Variants in ADAM28 observed in about 807,000 individuals in gnomAD.
ADAM28 encodes the protein ADAM metallopeptidase domain 28.
A neutral mutation model predicts 101.2 loss-of-function variants in ADAM28; 105 were observed. The ratio of observed to expected loss-of-function variants is 1.04; its 90% CI spans 0.89 to 1.22. The LOEUF is 1.22. Ranked by LOEUF, ADAM28 falls within the 50% of genes most tolerant of loss-of-function variation. ADAM28 has a pLI of 0.00. For synonymous variants in ADAM28, 322 were observed against 310.6 expected, an observed-to-expected ratio of 1.04 and a Z score of -0.39; for missense variants, 1,028 against 945.4, an observed-to-expected ratio of 1.09 and a Z score of -1.15.
Position 24,343,492 on chromosome 8 carries a change from C to A in ADAM28, c.1912-14C>A. 1 of 1,613,206 alleles carries A rather than the reference C, an allele frequency of 6.2e-7. No individual in the cohort carries two copies. Among genetic ancestry groups the A allele is most frequent in the Non-Finnish European group, 8.5e-7 (1 of 1,179,406 alleles). The stretch of plus-strand genomic sequence containing the variant: ...AGCCTAGCGGGGACAGTAACAGGAT[C>A]ATTGCTCCCCTAGGTGTGTGACCAT... On this transcript the variant is annotated splice_polypyrimidine_tract_variant and intron_variant, in intron 17 of 22. Transcript: ENST00000265769.
At chr8:24,326,827 T>G (rs951378395) in intron 10 of ADAM28, among the ~76,000 whole-genome samples, 192 bp downstream of exon 10, 2 of 152,042 alleles carry the variant, frequency 1.3e-5, no homozygotes, top group African/African-American at 4.8e-5. Context: ...GCATTATCTT[T>G]TTAATATATT....
At chr8:24,315,441 A>C (rs768851808) in intron 6 of ADAM28, among the ~76,000 whole-genome samples, 2 of 152,048 alleles carry the variant, frequency 1.3e-5, no homozygotes, top group Non-Finnish European at 2.9e-5. Context: ...CTAGAAAAAT[A>C]CAACCTATAA....
intron 15 of ADAM28, 147 bp from the exon 16 acceptor site, chr8:24,341,451 A>T: frequency 1.3e-6 from 1 of 778,426 alleles, no homozygotes; most frequent in Non-Finnish European, 2.1e-6. Context: ...GCATCCTATT[A>T]CTGAGAAATA....
chr8:24,329,061 A>G (rs1813003748), intron 10 of ADAM28, among the ~76,000 whole-genome samples: 1 of 152,116 alleles, frequency 6.6e-6, no homozygotes, highest in Non-Finnish European at 1.5e-5. Context: ...AAGGAACTTC[A>G]TATAGGCCTC....
chr8:24,320,395 G>T (rs745886350), intron 7 of ADAM28, 88 bp downstream of exon 7: 18 of 888,500 alleles, frequency 2.0e-5, no homozygotes, highest in Non-Finnish European at 3.0e-5. Flanking sequence ...ATCTGGATGA[G>T]ATTTAAAGAA....
At chr8:24,303,136 C>A (rs528675107) in intron 2 of ADAM28, among the ~76,000 whole-genome samples, 75 of 152,152 alleles carry the variant, frequency 4.9e-4, no homozygotes, top group Non-Finnish European at 9.1e-4. Context: ...TATAGAAGCT[C>A]TTTAGTTTTA....
chr8:24,353,122 T>C (rs939092620), intron 21 of ADAM28, among the ~76,000 whole-genome samples: 3 of 152,154 alleles, frequency 2.0e-5, no homozygotes, highest in Admixed American at 1.3e-4. Flanking sequence ...AAAAATAGTA[T>C]TGCTGTTATG....
At chr8:24,303,206 A>C (rs1257948956) in intron 2 of ADAM28, among the ~76,000 whole-genome samples, 3 of 151,894 alleles carry the variant, frequency 2.0e-5, no homozygotes, top group African/African-American at 7.3e-5. Flanking sequence ...TTTGTCATGA[A>C]ATTTTTGCCT....
At chr8:24,337,285 C>T (rs954955188) in intron 14 of ADAM28, among the ~76,000 whole-genome samples, 6 of 152,232 alleles carry the variant, frequency 3.9e-5, no homozygotes, top group Non-Finnish European at 8.8e-5. Flanking sequence ...TTAAGAAGCT[C>T]ATGTTTCCTT....
intron 14 of ADAM28, among the ~76,000 whole-genome samples, chr8:24,336,697 G>A (rs77195312): frequency 0.014 from 2,188 of 151,546 alleles, 56 homozygotes; most frequent in African/African-American, 0.05. Context: ...ACGCATAGAA[G>A]CAGAAAGTAC....
Position 24,331,142 on chromosome 8 carries a change from C to T in ADAM28, c.1104-8C>T. On this transcript the variant is annotated splice_region_variant and splice_polypyrimidine_tract_variant and intron_variant, in intron 11 of 22. Transcript: ENST00000265769. ...TATATTCCAGTTTTTCTTTCCTTATCTTCACAGCTTCTATATACCCACAGA... is the reference window on the plus strand; with the variant it reads ...TATATTCCAGTTTTTCTTTCCTTATTTTCACAGCTTCTATATACCCACAGA... 5.0e-6 allele frequency: 8 copies of T among 1,600,348 alleles called. No homozygotes were observed. The highest frequency in any genetic ancestry group is 1.3e-5 in the African/African-American group (1 of 74,190).
chr8:24,341,144 A>G (rs1331596736), intron 15 of ADAM28: 2 of 153,142 alleles, frequency 1.3e-5, no homozygotes, highest in African/African-American at 4.8e-5. Flanking sequence ...AGATGCCTCC[A>G]TGATGTTAGG....
intron 10 of ADAM28, among the ~76,000 whole-genome samples, chr8:24,328,852 C>T (rs911664423): frequency 2.7e-5 from 4 of 150,840 alleles, no homozygotes; most frequent in African/African-American, 7.3e-5. Context: ...ACCCAGGAGG[C>T]GGAGGTTGCA....
At chr8:24,322,533 A>C (rs1233751617) in intron 8 of ADAM28, 1 of 152,038 alleles carries the variant, frequency 6.6e-6, no homozygotes, top group Non-Finnish European at 1.5e-5. Context: ...CGCGTTAAGG[A>C]CTGCTTGAGC....
intron 18 of ADAM28, among the ~76,000 whole-genome samples, chr8:24,349,525 GTTTCA>G (rs1815813801): frequency 6.6e-6 from 1 of 152,010 alleles, no homozygotes; most frequent in Admixed American, 6.6e-5. Flanking sequence ...TTTCAAAAAT[GTTTCA>G]TTTCTTCTTT....
At position 24,355,406 on chromosome 8, in the gene ADAM28, C is replaced by G. The variant is rs1208252202; in HGVS notation, c.*1002C>G. 1.3e-5 allele frequency: 2 copies of G among 152,114 alleles called. No individual in the cohort carries two copies. The highest frequency in any genetic ancestry group is 2.9e-5 in the Non-Finnish European group (2 of 67,992). The allele number at this position is 152,114 out of a possible 1,614,324, so 9.4% of individuals were successfully genotyped here. ...GGAAAGAATATCCTATCTAATCTAT[C>G]TATCTCAGGGATAAATCCCTATCCT... On this transcript the variant is annotated 3_prime_UTR_variant, in exon 23 of 23. Transcript: ENST00000265769.
At position 24,330,062 on chromosome 8, in the gene ADAM28, C is replaced by G; in HGVS notation, c.1050C>G (p.Asp350Glu). The G allele has an allele frequency of 6.2e-7, 1 of 1,613,640 alleles. No homozygotes were observed. Among genetic ancestry groups the G allele is most frequent in the Non-Finnish European group, 8.5e-7 (1 of 1,179,750 alleles). ...EMGHNFGMFH[D>E]DYSCKCPSTI... ...GCCACAACTTTGGAATGTTTCATGA[C>G]GACTATTCTTGCAAGTGTCCTTCTA... is the stretch of plus-strand genomic sequence containing the variant. The change falls in exon 11 of 23, where the codon GAC (aspartate) becomes GAG (glutamate). Residue 350 changes from aspartate to glutamate, a missense_variant. Transcript: ENST00000265769.
intron 14 of ADAM28, among the ~76,000 whole-genome samples, chr8:24,336,447 C>T (rs1334983477): frequency 6.6e-6 from 1 of 151,094 alleles, no homozygotes; most frequent in East Asian, 2.0e-4. Flanking sequence ...GCCGGGCGTG[C>T]TAGTGGGCGC....
Position 24,332,024 on chromosome 8 carries a change from C to A in ADAM28, c.1282-636C>A, listed in dbSNP as rs143088791. ...TGCTCTATGAGAAAAAGTAGTCTGT[C>A]CTGGTTGATGATTATATTTGAACTA... On this transcript the variant is annotated intron_variant, in intron 12 of 22. Coordinates refer to ENST00000265769, the MANE Select transcript of ADAM28 (RefSeq NM_014265.6). 2.5e-3 allele frequency among the ~76,000 whole-genome samples: 380 copies of A among 152,190 alleles called. 1 individual carries two copies. The highest frequency in any genetic ancestry group is 8.6e-3 in the African/African-American group (357 of 41,540).
Sources: allele counts gnomAD v4.1 joint callset (sites outside exome capture counted in the v4.1 genomes callset), GRCh38; gene constraint gnomAD v4.1.1; transcripts MANE v1.5; gene names NCBI Gene and HGNC (gene_info 2026-07-23, HGNC 2026-07-21).